The following NPIPB2 variants were observed in gnomAD, a reference collection of about 807,000 sequenced individuals.
The protein encoded by NPIPB2 is nuclear pore complex-interacting protein family member B2.
A neutral mutation model predicts 30.8 loss-of-function variants in NPIPB2; 27 were observed. That is an observed-to-expected ratio of 0.88 (90% confidence interval 0.65 to 1.21). The LOEUF (loss-of-function observed/expected upper bound fraction) is 1.21. Among genes scored for constraint, NPIPB2 ranks in the 50% most tolerant of loss-of-function variants. The pLI is 0.00. For synonymous variants in NPIPB2, 147 were observed against 162.0 expected (o/e 0.91, Z 0.70); for missense variants, 440 against 446.2 (o/e 0.99, Z 0.13).
intron 1 of NPIPB2, chr16:11,966,405 C>T: frequency 2.0e-6 from 3 of 1,527,476 alleles, no homozygotes; most frequent in East Asian, 2.3e-5. Context: ...GTTTCAGTTC[C>T]TTTTCTTTTT....
chr16:11,971,145 C>A (rs1413432992), intron 1 of NPIPB2, among the ~76,000 whole-genome samples: 1 of 152,230 alleles, frequency 6.6e-6, no homozygotes, highest in Non-Finnish European at 1.5e-5. Flanking sequence ...GCATAAGCCA[C>A]CACGCCTGGC....
chr16:11,967,062 G>A (rs565295056), intron 1 of NPIPB2: 15 of 219,010 alleles, frequency 6.8e-5, no homozygotes, highest in South Asian at 5.4e-4. Flanking sequence ...GTGCAGTGGC[G>A]TGATCTCAAC....
intron 1 of NPIPB2, among the ~76,000 whole-genome samples, chr16:11,940,750 A>G (rs79644087): frequency 0.053 from 5,865 of 110,652 alleles, 320 homozygotes; most frequent in African/African-American, 0.15. Context: ...ACAGAGTGAG[A>G]CTCTGTCTAA....
chr16:11,975,883 C>T lies in NPIPB2; in HGVS notation c.-584+685G>A, dbSNP rs140217885. 2.5e-3 allele frequency among the ~76,000 whole-genome samples: 384 copies of T among 152,006 alleles called. 1 individual carries two copies. The highest frequency in any genetic ancestry group is 5.1e-3 in the African/African-American group (212 of 41,462). ...CCTTGGGATTACAGGCATGAGTCACCGCGTCCGGCCTAGGAGCCATATCTT... is the reference window on the plus strand; with the variant it reads ...CCTTGGGATTACAGGCATGAGTCACTGCGTCCGGCCTAGGAGCCATATCTT... On this transcript the variant is annotated intron_variant, in intron 1 of 5. Coordinates refer to the NPIPB2 transcript ENST00000538896.
chr16:11,952,023 G>C lies in NPIPB2; in HGVS notation c.-583-9909C>G, dbSNP rs890645322. ...AAATACGAAAAATTAGCCGGGCGTAGTGGCGGGCGCCTGTAGTCCCAGCTA... is the reference window on the plus strand; with the variant it reads ...AAATACGAAAAATTAGCCGGGCGTACTGGCGGGCGCCTGTAGTCCCAGCTA... On this transcript the variant is annotated intron_variant, in intron 1 of 5. Transcript: ENST00000538896. Among the ~76,000 whole-genome samples the C allele has an allele frequency of 2.3e-4, 35 of 152,104 alleles. No individual in the cohort carries two copies. The East Asian group carries it at 6.0e-3, about 26-fold the overall frequency.
chr16:11,971,447 TGGTGGGGG>T (rs961443542), intron 1 of NPIPB2, among the ~76,000 whole-genome samples: 11 of 47,616 alleles, frequency 2.3e-4, no homozygotes, highest in African/African-American at 5.8e-4. Flanking sequence ...GGGAGTGGGG[TGGTGGGGG>T]GGTGGGTGGT....
Position 11,951,666 on chromosome 16 carries a change from A to ACACACACACACACACC in NPIPB2, c.-583-9553_-583-9552insGGTGTGTGTGTGTGTG, listed in dbSNP as rs1226047972. 9.9e-3 allele frequency among the ~76,000 whole-genome samples: 1,369 copies of ACACACACACACACACC among 138,680 alleles called. 25 individuals are homozygous for ACACACACACACACACC. The highest frequency in any genetic ancestry group is 0.019 in the East Asian group (80 of 4,210). 91.0% of individuals were successfully genotyped at this position (138,680 alleles called of 152,430 possible). A position where few individuals can be genotyped will look rare whatever the true frequency, so the allele number is the denominator to read the frequency against. On this transcript the variant is annotated intron_variant, in intron 1 of 5. Transcript: ENST00000538896. ...CACACACACACACACACACACACAC[A>ACACACACACACACACC]CCCAGCCCCCAAACAACAAAATTCA...
At chr16:11,943,867 G>A (rs12445967), upstream of NPIPB2, among the ~76,000 whole-genome samples, 17,228 of 146,474 alleles carry the variant, frequency 0.12, 1,274 homozygotes, top group South Asian at 0.21. Flanking sequence ...CCGTGGTGGC[G>A]GGCGCCTGTA....
upstream of NPIPB2, among the ~76,000 whole-genome samples, chr16:11,943,763 C>A (rs1348058447): frequency 6.6e-6 from 1 of 150,904 alleles, no homozygotes; most frequent in Non-Finnish European, 1.5e-5. Flanking sequence ...CTTTGGGAGG[C>A]CGAGACGGGT....
At chr16:11,927,421 C>A (rs1479625558) in exon 8 of NPIPB2, 1 of 1,144,446 alleles carries the variant, frequency 8.7e-7, no homozygotes, top group Non-Finnish European at 1.3e-6. Context: ...ACCTCCGCCT[C>A]TTGGGCTCGG....
intron 1 of NPIPB2, among the ~76,000 whole-genome samples, chr16:11,963,596 G>C (rs12926535): frequency 6.6e-6 from 1 of 151,762 alleles, no homozygotes; most frequent in African/African-American, 2.4e-5. Flanking sequence ...AGCCTTTTTT[G>C]TGCTCCCCTT....
intron 1 of NPIPB2, among the ~76,000 whole-genome samples, chr16:11,947,296 T>TTTTA (rs146457872): frequency 0.051 from 6,968 of 135,836 alleles, 239 homozygotes; most frequent in Middle Eastern, 0.088. Context: ...CATACACATA[T>TTTTA]TTTATTTATT....
chr16:11,941,948 C>G (rs1567469721), intron 1 of NPIPB2, 35 bp downstream of exon 1: 2 of 1,018,542 alleles, frequency 2.0e-6, no homozygotes, highest in Non-Finnish European at 2.9e-6. Flanking sequence ...ACATAAAAAA[C>G]AAATGATGGC....
At chr16:11,965,198 C>A in intron 1 of NPIPB2, 1 of 1,243,972 alleles carries the variant, frequency 8.0e-7, no homozygotes, top group Non-Finnish European at 1.1e-6. Flanking sequence ...ACCCACGAAG[C>A]AGGCGAAGTT....
intron 1 of NPIPB2, among the ~76,000 whole-genome samples, chr16:11,975,345 C>A (rs2055275487): frequency 6.8e-6 from 1 of 147,406 alleles, no homozygotes; most frequent in African/African-American, 2.5e-5. Context: ...GACGGGGTTT[C>A]ACCGTTTTAG....
At chr16:11,941,448 A>AGGT (rs1355178156) in intron 1 of NPIPB2, among the ~76,000 whole-genome samples, 1 of 146,194 alleles carries the variant, frequency 6.8e-6, no homozygotes, top group African/African-American at 2.6e-5. Flanking sequence ...GAGGTGGAGG[A>AGGT]GGAGGAGGAG....
chr16:11,967,807 T>C, intron 1 of NPIPB2: 1 of 1,614,208 alleles, frequency 6.2e-7, no homozygotes, highest in Non-Finnish European at 8.5e-7. Flanking sequence ...CCAGCTGCTT[T>C]GAGTGCTACG....
At chr16:11,947,949 A>G (rs1047991175) in intron 1 of NPIPB2, among the ~76,000 whole-genome samples, 1 of 149,320 alleles carries the variant, frequency 6.7e-6, no homozygotes, top group Non-Finnish European at 1.5e-5. Flanking sequence ...CAAGAAGGTG[A>G]AAGCGGATAC....
chr16:11,974,356 C>G (rs993538445), intron 1 of NPIPB2, among the ~76,000 whole-genome samples: 1 of 151,904 alleles, frequency 6.6e-6, no homozygotes, highest in Non-Finnish European at 1.5e-5. Flanking sequence ...CTACTAAACA[C>G]ACAAAATACA....
Sources: gnomAD v4.1 joint callset for allele counts (sites outside exome capture counted in the v4.1 genomes callset) on GRCh38, gnomAD v4.1.1 for gene constraint, MANE v1.5 for transcripts, NCBI Gene and HGNC (gene_info 2026-07-23, HGNC 2026-07-21) for gene names.